Variants in CA12 observed in about 807,000 individuals in gnomAD.
CA12 encodes the protein carbonate dehydratase XII.
CA12 carries 36 observed loss-of-function variants against 46.8 expected under a neutral mutation model. The ratio of observed to expected loss-of-function variants is 0.77; its 90% CI spans 0.59 to 1.02. The LOEUF is 1.02. Ranked by LOEUF, CA12 falls within the 50% of genes least tolerant of loss-of-function variation. The pLI, the probability that CA12 is intolerant of heterozygous loss-of-function variation, is 0.00. For synonymous variants in CA12, 202 were observed against 187.0 expected (o/e 1.08, Z -0.65); for missense variants, 436 against 451.4 (o/e 0.97, Z 0.31).
chr15:63,373,579 C>A lies in CA12; in HGVS notation c.106+2079G>T, dbSNP rs908455041. Among the ~76,000 whole-genome samples the A allele has an allele frequency of 6.6e-6, 1 of 152,158 alleles. No homozygotes were observed. The highest frequency in any genetic ancestry group is 2.4e-5 in the African/African-American group (1 of 41,436). On this transcript the variant is annotated intron_variant, in intron 2 of 10. Coordinates refer to ENST00000178638, the MANE Select transcript of CA12 (RefSeq NM_001218.5). This position sits in a 1 kb window ranked among gnomAD's most constrained non-coding sequence, Gnocchi z 4.9. Reference sequence around the variant, plus strand: ...TCTTGGGAACCATGGGTCAGTGATTCTCTGATAGAGTGCAGCTAAGAATCA... The same window carrying A: ...TCTTGGGAACCATGGGTCAGTGATTATCTGATAGAGTGCAGCTAAGAATCA...
rs1179174138 is a variant in CA12, at chr15:63,323,332, C to A, written c.*2953G>T. The A allele has an allele frequency of 6.6e-6, 1 of 152,214 alleles. No individual in the cohort carries two copies. Among genetic ancestry groups the A allele is most frequent in the Non-Finnish European group, 1.5e-5 (1 of 68,044 alleles). The allele number at this position is 152,214 out of a possible 1,614,324, so 9.4% of individuals were successfully genotyped here. A position where few individuals can be genotyped will look rare whatever the true frequency, so the allele number is the denominator to read the frequency against. On this transcript the variant is annotated 3_prime_UTR_variant, in exon 11 of 11. Transcript: ENST00000178638. This position sits in a 1 kb window ranked among gnomAD's most constrained non-coding sequence, Gnocchi z 5.1. ...ATTAAGCAGCTTCGCGACCTGCAGC[C>A]ACACATGCCATAGGCCTCCATCCTC...
rs1373014591 is a variant in CA12 at position 63,322,381 on chromosome 15, A to G, written c.*3904T>C. 1.3e-5 allele frequency: 2 copies of G among 151,638 alleles called. No homozygotes were observed. Among genetic ancestry groups the G allele is most frequent in the East Asian group, 1.9e-4 (1 of 5,202 alleles). The allele number at this position is 151,638 out of a possible 1,614,324, so 9.4% of individuals were successfully genotyped here. Reference sequence around the variant, plus strand: ...GATCTGTTGGATTATCTAAAATTAAATTTAAATTAATGTCACTGGTTTTTT... The same window carrying G: ...GATCTGTTGGATTATCTAAAATTAAGTTTAAATTAATGTCACTGGTTTTTT... On this transcript the variant is annotated 3_prime_UTR_variant, in exon 11 of 11. Coordinates refer to ENST00000178638, the MANE Select transcript of CA12 (RefSeq NM_001218.5). This position sits in a 1 kb window ranked among gnomAD's most constrained non-coding sequence, Gnocchi z 4.1.
chr15:63,372,495 C>T lies in CA12; in HGVS notation c.106+3163G>A, dbSNP rs2039519749. 6.6e-6 allele frequency among the ~76,000 whole-genome samples: 1 copy of T among 152,190 alleles called. No homozygotes were observed. Among genetic ancestry groups the T allele is most frequent in the Non-Finnish European group, 1.5e-5 (1 of 68,038 alleles). On this transcript the variant is annotated intron_variant, in intron 2 of 10. Transcript: ENST00000178638. This position sits in a 1 kb window ranked among gnomAD's most constrained non-coding sequence, Gnocchi z 4.5. ...CTCCCTTTTTTGTACTTCTAAAAGT[C>T]CTACCATGTGTGCCAGACAGTGGGA...
rs1187621826 is a variant in CA12 at position 63,381,694 on chromosome 15, C to T, written c.27G>A (p.Ala9=). 11 of 1,608,752 alleles carry T rather than the reference C, an allele frequency of 6.8e-6. No individual in the cohort carries two copies. The highest frequency in any genetic ancestry group is 9.3e-6 in the Non-Finnish European group (11 of 1,177,676). ...TTAAGATCACCAGCAGGAGCACGGC[C>T]GCCGCGTGCAGGCTGCGCCGGGGCA... is the stretch of plus-strand genomic sequence containing the variant. MPRRSLHA[A]AVLLLVILKE... The change falls in exon 1 of 11, where the codon GCG becomes GCA. Residue 9 remains alanine (A), a synonymous_variant. Coordinates refer to ENST00000178638, the MANE Select transcript of CA12 (RefSeq NM_001218.5).
At chr15:63,342,170 G>T in intron 4 of CA12, 73 bp from the exon 5 acceptor site, 1 of 950,590 alleles carries the variant, frequency 1.1e-6, no homozygotes, top group South Asian at 1.3e-5. Context: ...CAGAAGACTT[G>T]ACTCCAACTG....
At chr15:63,367,860 A>G (rs955914702) in intron 2 of CA12, among the ~76,000 whole-genome samples, 8 of 152,212 alleles carry the variant, frequency 5.3e-5, no homozygotes, top group Non-Finnish European at 7.3e-5. Context: ...TAAAAAAACT[A>G]GTGCCTAAAT....
intron 1 of CA12, among the ~76,000 whole-genome samples, chr15:63,379,796 T>G (rs373921877): frequency 7.4e-4 from 112 of 152,232 alleles, no homozygotes; most frequent in African/African-American, 2.6e-3. Flanking sequence ...ACTGCCTGGC[T>G]CTCCACACCA....
intron 2 of CA12, among the ~76,000 whole-genome samples, chr15:63,361,681 G>A (rs1024758822): frequency 2.0e-5 from 3 of 152,174 alleles, no homozygotes; most frequent in South Asian, 4.1e-4. Context: ...GATCTTGATG[G>A]AGTTGGCTGC....
Position 63,366,927 on chromosome 15 carries a change from T to C in CA12, c.106+8731A>G, listed in dbSNP as rs182224284. On this transcript the variant is annotated intron_variant, in intron 2 of 10. Coordinates refer to ENST00000178638, the MANE Select transcript of CA12 (RefSeq NM_001218.5). The stretch of plus-strand genomic sequence containing the variant: ...ACTAAGGTGGCTTATTTATTTATTT[T>C]ATTTTATTTTTTGAGATGGACTCTT... Among the ~76,000 whole-genome samples the C allele has an allele frequency of 3.0e-3, 450 of 152,292 alleles. 3 individuals carry two copies. The highest frequency in any genetic ancestry group is 4.5e-3 in the Non-Finnish European group (305 of 68,022).
chr15:63,338,138 T>C lies in CA12; in HGVS notation c.874+681A>G, dbSNP rs145504520. 3.2e-3 allele frequency among the ~76,000 whole-genome samples: 482 copies of C among 152,308 alleles called. 2 individuals are homozygous for C. The highest frequency in any genetic ancestry group is 0.024 in the Middle Eastern group (7 of 294). The stretch of plus-strand genomic sequence containing the variant: ...CGGTTAATGTTCTACTGGGGAGTTA[T>C]TGGTTACAGCTGTGAAAGGGAGACC... On this transcript the variant is annotated intron_variant, in intron 8 of 10. Transcript: ENST00000178638.
rs536800197 is a variant in CA12, at chr15:63,374,738, C to T, written c.106+920G>A. Reference sequence around the variant, plus strand: ...GATCTTTCTCTGGACGGTGCTTCCACTGTAGTAATCAACTTCCCGCCTGTC... The same window carrying T: ...GATCTTTCTCTGGACGGTGCTTCCATTGTAGTAATCAACTTCCCGCCTGTC... On this transcript the variant is annotated intron_variant, in intron 2 of 10. Transcript: ENST00000178638. The surrounding 1 kb of genome is among the most constrained non-coding windows in gnomAD (Gnocchi z 4.4). Among the ~76,000 whole-genome samples, 1 of 152,176 alleles carries T rather than the reference C, an allele frequency of 6.6e-6. No individual in the cohort carries two copies. Among genetic ancestry groups the T allele is most frequent in the East Asian group, 1.9e-4 (1 of 5,198 alleles).
In CA12 at chr15:63,353,191, A is replaced by G. The variant is rs1392149047; in HGVS notation, c.107-6482T>C. On this transcript the variant is annotated intron_variant, in intron 2 of 10. Coordinates refer to ENST00000178638, the MANE Select transcript of CA12 (RefSeq NM_001218.5). ...AATCTGCAATGAGCGCTGCAAAGGA[A>G]TTAAACGAGGGCTGCAACAGAAAAA... is the stretch of plus-strand genomic sequence containing the variant. Among the ~76,000 whole-genome samples the G allele has an allele frequency of 5.3e-5, 8 of 152,144 alleles. No individual in the cohort carries two copies. The South Asian group carries it at 1.7e-3, about 32-fold the overall frequency.
intron 8 of CA12, among the ~76,000 whole-genome samples, chr15:63,337,676 C>T (rs2039020550): frequency 6.6e-6 from 1 of 152,000 alleles, no homozygotes; most frequent in African/African-American, 2.4e-5. Context: ...CGGCTGGTCT[C>T]GAAATCCTGA....
Position 63,326,271 on chromosome 15 carries a change from G to C in CA12, c.*14C>G. 6.2e-7 allele frequency: 1 copy of C among 1,611,826 alleles called. No homozygotes were observed. The highest frequency in any genetic ancestry group is 8.5e-7 in the Non-Finnish European group (1 of 1,177,954). On this transcript the variant is annotated 3_prime_UTR_variant, in exon 11 of 11. Coordinates refer to ENST00000178638, the MANE Select transcript of CA12 (RefSeq NM_001218.5). ...CAAGGTCCTTCCTGGATGTGCCCGG[G>C]AGCTCCGGGGACCTCAAGCGTGGGC...
At chr15:63,366,255 T>A (rs1247933775) in intron 2 of CA12, among the ~76,000 whole-genome samples, 1 of 150,466 alleles carries the variant, frequency 6.6e-6, no homozygotes, top group Non-Finnish European at 1.5e-5. Context: ...CCTTCCCTCA[T>A]CACTGAGGTC....
rs2038798912 is a variant in CA12 at position 63,322,167 on chromosome 15, A to G, written c.*4118T>C. The G allele has an allele frequency of 1.3e-5, 2 of 152,240 alleles. No individual in the cohort carries two copies. Among genetic ancestry groups the G allele is most frequent in the African/African-American group, 4.8e-5 (2 of 41,472 alleles). The allele number at this position is 152,240 out of a possible 1,614,324, so 9.4% of individuals were successfully genotyped here. A position where few individuals can be genotyped will look rare whatever the true frequency, so the allele number is the denominator to read the frequency against. On this transcript the variant is annotated 3_prime_UTR_variant, in exon 11 of 11. Transcript: ENST00000178638. The surrounding 1 kb of genome is among the most constrained non-coding windows in gnomAD (Gnocchi z 4.1). Reference sequence around the variant, plus strand: ...AACAACTTCTAAGTGTGTTTGGAGCAACTCGGATATTGGAATCTTTTAAAC... The same window carrying G: ...AACAACTTCTAAGTGTGTTTGGAGCGACTCGGATATTGGAATCTTTTAAAC...
chr15:63,362,230 T>C (rs1443922310), intron 2 of CA12, among the ~76,000 whole-genome samples: 3 of 152,218 alleles, frequency 2.0e-5, no homozygotes, highest in Non-Finnish European at 4.4e-5. Context: ...CAACTGCCAT[T>C]CTGTAAGCTT....
chr15:63,350,600 C>G (rs569290463), intron 2 of CA12, among the ~76,000 whole-genome samples: 1 of 152,278 alleles, frequency 6.6e-6, no homozygotes, highest in Non-Finnish European at 1.5e-5. Context: ...TTTTCCTGCT[C>G]TAGGCAAAAC....
intron 2 of CA12, among the ~76,000 whole-genome samples, chr15:63,368,274 C>T (rs1005624506): frequency 6.6e-6 from 1 of 152,186 alleles, no homozygotes; most frequent in African/African-American, 2.4e-5. Context: ...CAGGTGCTAT[C>T]TCTCTTTCTT....
Sources: allele counts gnomAD v4.1 joint callset (sites outside exome capture counted in the v4.1 genomes callset), GRCh38; gene constraint gnomAD v4.1.1; non-coding constraint Gnocchi (gnomAD v3.1); transcripts MANE v1.5; gene names NCBI Gene and HGNC (gene_info 2026-07-23, HGNC 2026-07-21).